Variants in GLMN observed in about 807,000 individuals in gnomAD.
GLMN encodes glomulin, FKBP associated protein.
GLMN carries 75 observed loss-of-function variants against 87.8 expected under a neutral mutation model. That is an observed-to-expected ratio of 0.85 (90% CI 0.71 to 1.04). The LOEUF is 1.04. GLMN is among the 50% of genes least tolerant of loss of function. The pLI, the probability that GLMN is intolerant of heterozygous loss-of-function variation, is 0.00. For missense variants in GLMN, 588 were observed against 658.8 expected (o/e 0.89, Z 1.18); for synonymous variants, 206 against 221.6 (o/e 0.93, Z 0.63).
intron 16 of GLMN, among the ~76,000 whole-genome samples, chr1:92,250,335 TA>T (rs1653296861): frequency 1.3e-5 from 2 of 152,164 alleles, no homozygotes; most frequent in Non-Finnish European, 1.5e-5. Flanking sequence ...ACATAAATGG[TA>T]TACTGTATAT....
chr1:92,325,807 T>G, the GLMN span, among the ~76,000 whole-genome samples: 2 of 152,140 alleles, frequency 1.3e-5, no homozygotes, highest in African/African-American at 4.8e-5. Context: ...CCAGTATATA[T>G]TCTTGGTGTC....
intron 6 of GLMN, 119 bp from the exon 7 acceptor site, chr1:92,286,711 G>C: frequency 1.5e-6 from 1 of 689,546 alleles, no homozygotes; most frequent in Non-Finnish European, 2.6e-6. Flanking sequence ...TGGTTTGAAT[G>C]ACTCTGCTCT....
At chr1:92,299,987 C>G (rs549253556), upstream of GLMN, among the ~76,000 whole-genome samples, 2 of 152,324 alleles carry the variant, frequency 1.3e-5, no homozygotes, top group South Asian at 4.2e-4. Flanking sequence ...TACTTACACA[C>G]TAGGCTATAT....
the GLMN span, chr1:92,304,199 T>C: frequency 2.7e-6 from 3 of 1,117,930 alleles, no homozygotes; most frequent in African/African-American, 4.7e-5. Context: ...GCCAATGATA[T>C]GATATGTAGA....
At chr1:92,344,016 C>A in the GLMN span, among the ~76,000 whole-genome samples, 6 of 152,326 alleles carry the variant, frequency 3.9e-5, no homozygotes, top group South Asian at 1.2e-3. Context: ...CCAGAAGCAA[C>A]TGCTACTGTG....
the GLMN span, among the ~76,000 whole-genome samples, chr1:92,327,100 T>C: frequency 3.3e-5 from 5 of 152,248 alleles, no homozygotes; most frequent in Non-Finnish European, 7.3e-5. Flanking sequence ...TCTGTAAATA[T>C]CTGTTAAATC....
intron 7 of GLMN, among the ~76,000 whole-genome samples, chr1:92,278,156 T>G (rs748453010): frequency 7.2e-5 from 11 of 152,032 alleles, no homozygotes; most frequent in Non-Finnish European, 1.6e-4. Context: ...AAACTTGTTA[T>G]GACTATAGTA....
intron 3 of GLMN, among the ~76,000 whole-genome samples, chr1:92,295,885 ATTT>A (rs902075880): frequency 6.6e-6 from 1 of 152,236 alleles, no homozygotes; most frequent in African/African-American, 2.4e-5. Flanking sequence ...GTTGTTATTA[ATTT>A]TTTTATTATT....
chr1:92,251,056 A>G (rs960415387), intron 16 of GLMN, among the ~76,000 whole-genome samples: 13 of 152,216 alleles, frequency 8.5e-5, no homozygotes, highest in Non-Finnish European at 1.5e-4. Flanking sequence ...CCAGAATGCC[A>G]TAAGTGGAAT....
the GLMN span, among the ~76,000 whole-genome samples, chr1:92,370,359 T>TAGTC: frequency 6.6e-6 from 1 of 151,878 alleles, no homozygotes; most frequent in Non-Finnish European, 1.5e-5. Context: ...CAATAGGGAG[T>TAGTC]AGTCAGATGG....
At chr1:92,307,585 ATG>A in the GLMN span, among the ~76,000 whole-genome samples, 1 of 152,168 alleles carries the variant, frequency 6.6e-6, no homozygotes, top group African/African-American at 2.4e-5. Context: ...TGGAGGAAGA[ATG>A]TTAAATTTTT....
the GLMN span, chr1:92,324,001 G>A: frequency 3.1e-6 from 5 of 1,613,962 alleles, no homozygotes; most frequent in Admixed American, 1.7e-5. Context: ...GTGTCCTGAA[G>A]TTGGAAAGAG....
At chr1:92,301,553 T>G, upstream of GLMN, 3 of 1,566,512 alleles carry the variant, frequency 1.9e-6, no homozygotes, top group Non-Finnish European at 2.6e-6. Flanking sequence ...GAACAGCTTT[T>G]AGAGGAGAAT....
intron 13 of GLMN, 78 bp downstream of exon 13, chr1:92,266,341 G>A: frequency 2.5e-6 from 2 of 792,838 alleles, no homozygotes; most frequent in Non-Finnish European, 4.6e-6. Context: ...GACATACTAT[G>A]CCCTAAAACA....
At chr1:92,361,034 C>T in the GLMN span, among the ~76,000 whole-genome samples, 721 of 151,118 alleles carry the variant, frequency 4.8e-3, 6 homozygotes, top group Middle Eastern at 0.01. Flanking sequence ...ACCCACAAGT[C>T]GGTTTTAGGA....
the GLMN span, among the ~76,000 whole-genome samples, chr1:92,343,242 AC>A: frequency 6.6e-6 from 1 of 152,180 alleles, no homozygotes; most frequent in South Asian, 2.1e-4. Context: ...CAAGTGCTGG[AC>A]AGATTAAGAT....
the GLMN span, chr1:92,324,337 T>C: frequency 3.1e-6 from 5 of 1,613,900 alleles, no homozygotes; most frequent in Non-Finnish European, 4.2e-6. Flanking sequence ...ACGGTATGTT[T>C]TGGGTGAAGA....
the GLMN span, among the ~76,000 whole-genome samples, chr1:92,305,432 C>CAAAAAAAAAAAAAAAA: frequency 4.3e-3 from 226 of 52,642 alleles, 21 homozygotes; most frequent in African/African-American, 0.012. Context: ...GGCTCCGTCT[C>CAAAAAAAAAAAAAAAA]AAAAAAAAAA....
At chr1:92,278,509 G>T (rs191809364) in intron 7 of GLMN, among the ~76,000 whole-genome samples, 11 of 152,150 alleles carry the variant, frequency 7.2e-5, no homozygotes, top group Admixed American at 7.2e-4. Context: ...CCCTTCATCT[G>T]ACCCCTTTTT....
Sources: allele counts gnomAD v4.1 joint callset (sites outside exome capture counted in the v4.1 genomes callset), GRCh38; gene constraint gnomAD v4.1.1; transcripts MANE v1.5; gene names NCBI Gene and HGNC (gene_info 2026-07-23, HGNC 2026-07-21).